The following RCBTB2 variants were observed in gnomAD, a reference collection of about 807,000 sequenced individuals.
RCBTB2 encodes RCC1 and BTB domain-containing protein 2.
Under a neutral mutation model 65.4 loss-of-function variants are expected in RCBTB2, and 55 were observed. The ratio of observed to expected loss-of-function variants is 0.84; its 90% CI spans 0.68 to 1.05. The LOEUF is 1.05. Ranked by LOEUF, RCBTB2 falls within the 50% of genes least tolerant of loss-of-function variation. The probability of loss-of-function intolerance (pLI) is 0.00; values close to 1 mark genes in which losing one functional copy is unlikely to be tolerated. For missense variants in RCBTB2, 599 were observed against 680.1 expected (o/e 0.88, Z 1.33); for synonymous variants, 220 against 255.2 (o/e 0.86, Z 1.31).
At chr13:48,524,234 T>G (rs1303530090) in intron 2 of RCBTB2, among the ~76,000 whole-genome samples, 1 of 152,216 alleles carries the variant, frequency 6.6e-6, no homozygotes, top group Non-Finnish European at 1.5e-5. Flanking sequence ...CCATGTGATT[T>G]CACCAGGCTA....
rs770961013 is a variant in RCBTB2, at chr13:48,522,341, C to G, written c.-57G>C. 23 of 1,530,100 alleles carry G rather than the reference C, an allele frequency of 1.5e-5. No homozygotes were observed. The highest frequency in any genetic ancestry group is 2.0e-5 in the Non-Finnish European group (23 of 1,142,550). 94.8% of individuals were successfully genotyped at this position (1,530,100 alleles called of 1,614,324 possible). A position where few individuals can be genotyped will look rare whatever the true frequency, so the allele number is the denominator to read the frequency against. On this transcript the variant is annotated 5_prime_UTR_variant, in exon 3 of 15. Transcript: ENST00000344532. ...ACTTTTCTCTGGGATTGGAAAGTTC[C>G]AAATCACGGGGAAGAGCGGACATCA...
chr13:48,534,442 G>C (rs1280060162), upstream of RCBTB2, among the ~76,000 whole-genome samples: 1 of 152,178 alleles, frequency 6.6e-6, no homozygotes, highest in Admixed American at 6.5e-5. Context: ...CAGGCCCCAA[G>C]AGATTAAGTT....
intron 10 of RCBTB2, among the ~76,000 whole-genome samples, chr13:48,508,412 G>T (rs1044455372): frequency 2.1e-5 from 3 of 143,720 alleles, no homozygotes; most frequent in African/African-American, 7.7e-5. Context: ...ATTCATCCAT[G>T]TTTTTTTTTT....
chr13:48,518,536 C>T (rs9595914), intron 4 of RCBTB2, among the ~76,000 whole-genome samples: 15,528 of 145,786 alleles, frequency 0.11, 2,238 homozygotes, highest in African/African-American at 0.33. Flanking sequence ...GCATTTCCTA[C>T]AGGACAACCT....
intron 4 of RCBTB2, 94 bp from the exon 5 acceptor site, chr13:48,515,835 GGGA>G: frequency 7.9e-7 from 1 of 1,267,148 alleles, no homozygotes; most frequent in South Asian, 1.5e-5. Context: ...CACTGGTTTT[GGGA>G]GGAACACACT....
At chr13:48,531,811 T>A (rs1952141800) in intron 1 of RCBTB2, among the ~76,000 whole-genome samples, 1 of 152,224 alleles carries the variant, frequency 6.6e-6, no homozygotes, top group Non-Finnish European at 1.5e-5. Flanking sequence ...GCACATCATA[T>A]AAGATTACAA....
chr13:48,503,951 T>C (rs953680308), intron 10 of RCBTB2, among the ~76,000 whole-genome samples: 2 of 152,214 alleles, frequency 1.3e-5, no homozygotes, highest in African/African-American at 2.4e-5. Flanking sequence ...TGGTAAACTC[T>C]TTTAACCCAG....
chr13:48,502,829 G>A lies in RCBTB2; in HGVS notation c.1012C>T (p.Arg338Trp), dbSNP rs566484386. 5.0e-6 allele frequency: 8 copies of A among 1,614,188 alleles called. No individual in the cohort carries two copies. Among genetic ancestry groups the A allele is most frequent in the East Asian group, 4.5e-5 (2 of 44,880 alleles). ...GGHVYMWGQC[R>W]GQSVILPHLT... Reference sequence around the variant, plus strand: ...TGCGGGAGGATCACGGACTGACCCCGGCACTGGCCCCACATGTACACGTGC... The same window carrying A: ...TGCGGGAGGATCACGGACTGACCCCAGCACTGGCCCCACATGTACACGTGC... The change falls in exon 11 of 15, where the codon CGG becomes TGG. Residue 338 changes from arginine to tryptophan, a missense_variant. Coordinates refer to ENST00000344532, the MANE Select transcript of RCBTB2 (RefSeq NM_001268.4).
At chr13:48,504,284 G>A (rs1004552538) in intron 10 of RCBTB2, 18 of 985,118 alleles carry the variant, frequency 1.8e-5, no homozygotes, top group South Asian at 4.7e-5. Context: ...ACTTTCACAC[G>A]GGCAGTGGCT....
chr13:48,533,061 T>C lies in RCBTB2; in HGVS notation c.-252A>G, dbSNP rs1023658189. 16 of 454,500 alleles carry C rather than the reference T, an allele frequency of 3.5e-5. No individual in the cohort carries two copies. Among genetic ancestry groups the C allele is most frequent in the African/African-American group, 2.0e-4 (10 of 49,882 alleles). The allele number at this position is 454,500 out of a possible 1,614,324, so 28.2% of individuals were successfully genotyped here. A position where few individuals can be genotyped will look rare whatever the true frequency, so the allele number is the denominator to read the frequency against. On this transcript the variant is annotated 5_prime_UTR_variant, in exon 1 of 15. Transcript: ENST00000344532. ...AGGCCGGAGCCTTGTCCGCTCCGCC[T>C]CCTGGGTAGCGGTTACTGCACGGTC... is the stretch of plus-strand genomic sequence containing the variant.
intron 10 of RCBTB2, among the ~76,000 whole-genome samples, chr13:48,503,562 A>G (rs1950348214): frequency 6.6e-6 from 1 of 151,710 alleles, no homozygotes; most frequent in Non-Finnish European, 1.5e-5. Flanking sequence ...TTTTTAAGAC[A>G]GAGGAGTCTT....
At chr13:48,492,283 C>A (rs924560540) in intron 14 of RCBTB2, among the ~76,000 whole-genome samples, 2 of 152,182 alleles carry the variant, frequency 1.3e-5, no homozygotes, top group African/African-American at 4.8e-5. Context: ...GAAAGCAGAG[C>A]CCTTGCTCTG....
intron 10 of RCBTB2, among the ~76,000 whole-genome samples, chr13:48,508,976 A>G (rs1468682419): frequency 2.6e-5 from 4 of 152,200 alleles, no homozygotes; most frequent in Non-Finnish European, 5.9e-5. Flanking sequence ...ATGACGGCAG[A>G]TTCTGTGAGA....
At chr13:48,532,575 C>T (rs892297353) in intron 1 of RCBTB2, 1 of 177,212 alleles carries the variant, frequency 5.6e-6, no homozygotes, top group East Asian at 1.9e-4. Flanking sequence ...TGACGCCCCC[C>T]CAGCCACACC....
intron 4 of RCBTB2, 57 bp from the exon 5 acceptor site, chr13:48,515,798 CCCTT>C: frequency 6.5e-7 from 1 of 1,528,640 alleles, no homozygotes; most frequent in Non-Finnish European, 8.9e-7. Context: ...TTTTCTCTGC[CCCTT>C]CAGTTCTGTA....
At chr13:48,512,661 G>A in intron 7 of RCBTB2, 68 bp downstream of exon 7, 1 of 1,249,794 alleles carries the variant, frequency 8.0e-7, no homozygotes, top group Non-Finnish European at 1.1e-6. Flanking sequence ...TGTATTTCCA[G>A]GACTACTATA....
intron 1 of RCBTB2, among the ~76,000 whole-genome samples, chr13:48,527,371 T>TATATATATATATATCATATATATATATG: frequency 1.4e-5 from 2 of 138,736 alleles, no homozygotes; most frequent in African/African-American, 5.9e-5. Flanking sequence ...TTATATATGA[T>TATATATATATATATCATATATATATATG]ATATATATAT....
At chr13:48,533,368 C>G (rs7996186), upstream of RCBTB2, 3,489 of 279,756 alleles carry the variant, frequency 0.012, 123 homozygotes, top group East Asian at 0.12. Flanking sequence ...CCCACCTTCT[C>G]CAGGGTTATG....
chr13:48,533,711 T>C (rs1283574677), upstream of RCBTB2, among the ~76,000 whole-genome samples: 1 of 152,244 alleles, frequency 6.6e-6, no homozygotes, highest in African/African-American at 2.4e-5. Context: ...ATTTATTATA[T>C]TACACTGCAC....
Sources: gnomAD v4.1 joint callset for allele counts (sites outside exome capture counted in the v4.1 genomes callset) on GRCh38, gnomAD v4.1.1 for gene constraint, MANE v1.5 for transcripts, NCBI Gene and HGNC (gene_info 2026-07-23, HGNC 2026-07-21) for gene names.